The following RAB21 variants were observed in gnomAD, a reference collection of about 807,000 sequenced individuals.
RAB21 encodes the protein RAB21, member RAS oncogene family.
RAB21 carries 13 observed loss-of-function variants against 33.1 expected under a neutral mutation model. The ratio of observed to expected loss-of-function variants is 0.39; its 90% CI spans 0.26 to 0.62. RAB21 has a LOEUF of 0.62. RAB21 is among the 20% of genes least tolerant of loss of function. The pLI is 0.48. For missense variants in RAB21, 234 were observed against 279.1 expected, an observed-to-expected ratio of 0.84 and a Z score of 1.15; for synonymous variants, 91 against 103.7, an observed-to-expected ratio of 0.88 and a Z score of 0.74.
intron 1 of RAB21, among the ~76,000 whole-genome samples, chr12:71,762,201 G>A (rs898508119): frequency 5.3e-5 from 8 of 152,188 alleles, no homozygotes; most frequent in African/African-American, 1.9e-4. Flanking sequence ...CCTTTTGAAA[G>A]TCTTTATTTG....
Position 71,782,633 on chromosome 12 carries a change from G to A in RAB21, c.510G>A (p.Glu170=). 6.3e-7 allele frequency: 1 copy of A among 1,598,872 alleles called. No individual in the cohort carries two copies. The highest frequency in any genetic ancestry group is 8.5e-7 in the Non-Finnish European group (1 of 1,170,426). The change falls in exon 6 of 7, where the codon GAG becomes GAA. Residue 170 remains glutamate (E), a synonymous_variant. Coordinates refer to ENST00000261263, the MANE Select transcript of RAB21 (RefSeq NM_014999.4). ...CAGCCAAACAGAACAAAGGAATTGAGGAACTCTTTCTTGACCTTTGTAAAA... is the reference window on the plus strand; with the variant it reads ...CAGCCAAACAGAACAAAGGAATTGAAGAACTCTTTCTTGACCTTTGTAAAA... ...HTSAKQNKGI[E]ELFLDLCKRM...
At position 71,792,839 on chromosome 12, in the gene RAB21, G is replaced by A. The variant is rs1883407398; in HGVS notation, c.*7166G>A. On this transcript the variant is annotated 3_prime_UTR_variant, in exon 7 of 7. Transcript: ENST00000261263. The stretch of plus-strand genomic sequence containing the variant: ...CCAAGATATAAGTAATTTATCTGGG[G>A]ATATAAGGTCACCTGTGCACACATG... The A allele has an allele frequency of 6.6e-6, 1 of 152,136 alleles. No homozygotes were observed. 9.4% of individuals were successfully genotyped at this position (152,136 alleles called of 1,614,324 possible).
At chr12:71,779,688 A>G (rs1008856393) in intron 4 of RAB21, among the ~76,000 whole-genome samples, 13 of 152,230 alleles carry the variant, frequency 8.5e-5, no homozygotes, top group African/African-American at 3.1e-4. Flanking sequence ...GATCTGCTTA[A>G]CTTAGAGGGT....
chr12:71,770,522 G>A (rs1442613112), intron 2 of RAB21, 70 bp from the exon 3 acceptor site: 5 of 1,055,294 alleles, frequency 4.7e-6, no homozygotes, highest in Non-Finnish European at 7.3e-6. Flanking sequence ...TAATCAAAAA[G>A]TTCACCATAG....
At chr12:71,782,871 AATC>A (rs1883222345) in intron 6 of RAB21, among the ~76,000 whole-genome samples, 1 of 152,038 alleles carries the variant, frequency 6.6e-6, no homozygotes, top group Admixed American at 6.5e-5. Context: ...ATGGTTATGA[AATC>A]ATAAGTATGG....
At position 71,788,406 on chromosome 12, in the gene RAB21, A is replaced by T. The variant is rs999328881; in HGVS notation, c.*2733A>T. 6.6e-6 allele frequency: 1 copy of T among 152,168 alleles called. No individual in the cohort carries two copies. Among genetic ancestry groups the T allele is most frequent in the Non-Finnish European group, 1.5e-5 (1 of 68,020 alleles). The allele number at this position is 152,168 out of a possible 1,614,324, so 9.4% of individuals were successfully genotyped here. A position where few individuals can be genotyped will look rare whatever the true frequency, so the allele number is the denominator to read the frequency against. The stretch of plus-strand genomic sequence containing the variant: ...TGTAATTGAGGCTAATTCAATAGCA[A>T]CAATAGACAACATGATATGGCTGCT... On this transcript the variant is annotated 3_prime_UTR_variant, in exon 7 of 7. Coordinates refer to ENST00000261263, the MANE Select transcript of RAB21 (RefSeq NM_014999.4).
Position 71,782,081 on chromosome 12 carries a change from G to T in RAB21, c.442G>T (p.Glu148Ter). The T allele has an allele frequency of 6.2e-7, 1 of 1,608,198 alleles. No individual in the cohort carries two copies. Among genetic ancestry groups the T allele is most frequent in the Non-Finnish European group, 8.5e-7 (1 of 1,175,078 alleles). Residue 148 changes from glutamate (E) to a stop codon, truncating the protein, a stop_gained, in exon 5 of 7, where the codon GAG (glutamate) becomes TAG (stop). Coordinates refer to ENST00000261263, the MANE Select transcript of RAB21 (RefSeq NM_014999.4). LOFTEE classifies it high-confidence loss of function. ...KERHVSIQEA[E>*]SYAESVGAKH... ...GAGACATGTTTCCATTCAAGAAGCA[G>T]AGTCGTAAGTACTGTGACCCTCCCA...
chr12:71,766,586 A>AT (rs1242657078), intron 1 of RAB21, among the ~76,000 whole-genome samples: 4 of 152,276 alleles, frequency 2.6e-5, no homozygotes, highest in Non-Finnish European at 4.4e-5. Flanking sequence ...AGTTAACAGA[A>AT]TACTTATACC....
intron 6 of RAB21, among the ~76,000 whole-genome samples, chr12:71,783,568 A>G (rs1429119793): frequency 6.6e-6 from 1 of 152,122 alleles, no homozygotes; most frequent in Non-Finnish European, 1.5e-5. Flanking sequence ...GATCAGCAGC[A>G]TCAATATCAC....
intron 2 of RAB21, 30 bp downstream of exon 2, chr12:71,769,889 G>A (rs759476426): frequency 1.7e-5 from 21 of 1,207,724 alleles, no homozygotes; most frequent in Non-Finnish European, 2.3e-5. Context: ...TATTATGCGT[G>A]GAGGCTTCTT....
chr12:71,759,172 G>A (rs1882833836), intron 1 of RAB21, among the ~76,000 whole-genome samples: 1 of 152,214 alleles, frequency 6.6e-6, no homozygotes. Flanking sequence ...AGTTAAGCCT[G>A]TTAATGTCCT....
intron 1 of RAB21, among the ~76,000 whole-genome samples, chr12:71,756,300 C>T (rs1882784779): frequency 6.6e-6 from 1 of 152,166 alleles, no homozygotes; most frequent in Admixed American, 6.5e-5. Flanking sequence ...TAGTATCTAG[C>T]TCATAGGGTT....
rs986524741 is a variant in RAB21 at position 71,795,638 on chromosome 12, C to T, written c.*9965C>T. 52 of 137,482 alleles carry T rather than the reference C, an allele frequency of 3.8e-4. 15 individuals carry two copies. Among genetic ancestry groups the T allele is most frequent in the African/African-American group, 1.4e-3 (47 of 34,198 alleles). 8.5% of individuals were successfully genotyped at this position (137,482 alleles called of 1,614,324 possible). On this transcript the variant is annotated 3_prime_UTR_variant, in exon 7 of 7. Transcript: ENST00000261263. ...TGAAGAATTCTAAATTTTTTATATG[C>T]CATAATTTTTAGTAATGCTGTCCTT...
At chr12:71,777,977 C>T (rs146401515) in intron 4 of RAB21, among the ~76,000 whole-genome samples, 79 of 152,304 alleles carry the variant, frequency 5.2e-4, no homozygotes, top group Non-Finnish European at 1.0e-3. Flanking sequence ...TATCTAAAAT[C>T]TCAAGTCCTT....
At chr12:71,768,827 G>C (rs143177521) in intron 1 of RAB21, among the ~76,000 whole-genome samples, 2 of 152,304 alleles carry the variant, frequency 1.3e-5, no homozygotes, top group African/African-American at 2.4e-5. Context: ...GGAAATGCTT[G>C]TATAAATACA....
intron 1 of RAB21, among the ~76,000 whole-genome samples, chr12:71,761,162 G>C (rs1882867439): frequency 6.6e-6 from 1 of 152,050 alleles, no homozygotes; most frequent in Non-Finnish European, 1.5e-5. Flanking sequence ...AGCTATGATT[G>C]TGCCACAGCA....
At chr12:71,784,412 CCTGTGTTTTCTT>C (rs1356932610) in intron 6 of RAB21, among the ~76,000 whole-genome samples, 1 of 151,980 alleles carries the variant, frequency 6.6e-6, no homozygotes, top group African/African-American at 2.4e-5. Context: ...AGATTTTTCT[CCTGTGTTTTCTT>C]CTGGAAATTT....
At position 71,795,839 on chromosome 12, in the gene RAB21, A is replaced by G. The variant is rs1340304917; in HGVS notation, c.*10166A>G. 7.3e-6 allele frequency: 1 copy of G among 137,706 alleles called. No homozygotes were observed. The highest frequency in any genetic ancestry group is 1.5e-5 in the Non-Finnish European group (1 of 66,072). The allele number at this position is 137,706 out of a possible 1,614,324, so 8.5% of individuals were successfully genotyped here. A position where few individuals can be genotyped will look rare whatever the true frequency, so the allele number is the denominator to read the frequency against. Reference sequence around the variant, plus strand: ...TCCTTAGTCTGTGATGGAATTTTTTAAAGTATATGTGAAGTTTTTTACTTC... The same window carrying G: ...TCCTTAGTCTGTGATGGAATTTTTTGAAGTATATGTGAAGTTTTTTACTTC... On this transcript the variant is annotated 3_prime_UTR_variant, in exon 7 of 7. Coordinates refer to ENST00000261263, the MANE Select transcript of RAB21 (RefSeq NM_014999.4).
At chr12:71,761,091 TG>T (rs2137639663) in intron 1 of RAB21, among the ~76,000 whole-genome samples, 1 of 149,712 alleles carries the variant, frequency 6.7e-6, no homozygotes, top group East Asian at 2.0e-4. Context: ...CTCATATTCC[TG>T]GGTACTCAGG....
Sources: gnomAD v4.1 joint callset for allele counts (sites outside exome capture counted in the v4.1 genomes callset) on GRCh38, gnomAD v4.1.1 for gene constraint, MANE v1.5 for transcripts, NCBI Gene and HGNC (gene_info 2026-07-23, HGNC 2026-07-21) for gene names.